DNAAF5: variants seen among roughly 807,000 people sequenced by gnomAD.
The protein encoded by DNAAF5 is HEAT repeat containing 2.
In DNAAF5, 64 loss-of-function variants were observed where a neutral mutation model predicts 75.8. That is an observed-to-expected ratio of 0.84 (90% confidence interval 0.69 to 1.04). The LOEUF (loss-of-function observed/expected upper bound fraction) is 1.04. Among genes scored for constraint, DNAAF5 ranks in the 50% least tolerant of loss-of-function variants. The pLI is 0.00. For missense variants in DNAAF5, 1,269 were observed against 1,178.5 expected (o/e 1.08, Z -1.12); for synonymous variants, 657 against 557.2 (o/e 1.18, Z -2.52).
chr7:746,371 A>G (rs112583897), intron 4 of DNAAF5, among the ~76,000 whole-genome samples: 6 of 18,674 alleles, frequency 3.2e-4, no homozygotes, highest in Admixed American at 7.9e-4. Context: ...GCTGCCCCCC[A>G]CCCAACATGC....
intron 12 of DNAAF5, 103 bp from the exon 13 acceptor site, chr7:785,402 ATTTGCAGATGCT>A: frequency 8.7e-7 from 1 of 1,144,076 alleles, no homozygotes; most frequent in South Asian, 1.4e-5. Flanking sequence ...GCGTCAGGTT[ATTTGCAGATGCT>A]TTTACAGATG....
chr7:781,273 G>A (rs921409937), intron 12 of DNAAF5, among the ~76,000 whole-genome samples: 1 of 152,126 alleles, frequency 6.6e-6, no homozygotes, highest in Non-Finnish European at 1.5e-5. Context: ...GAGAATGTGC[G>A]GAATTTGCCC....
chr7:772,375 T>C (rs571366357), intron 9 of DNAAF5: 67 of 152,388 alleles, frequency 4.4e-4, no homozygotes, highest in African/African-American at 1.6e-3. Context: ...TGCTCAGATA[T>C]GGTCAGACCC....
At chr7:743,158 G>A (rs567387644) in intron 4 of DNAAF5, among the ~76,000 whole-genome samples, 2 of 152,300 alleles carry the variant, frequency 1.3e-5, no homozygotes, top group East Asian at 1.9e-4. Flanking sequence ...GAGCCCAGGA[G>A]TTGGAGACCA....
At chr7:767,425 A>G (rs1778345726) in intron 8 of DNAAF5, among the ~76,000 whole-genome samples, 2 of 152,216 alleles carry the variant, frequency 1.3e-5, no homozygotes, top group South Asian at 2.1e-4. Flanking sequence ...ATGAGAATCT[A>G]TCCTTCCAAT....
intron 4 of DNAAF5, among the ~76,000 whole-genome samples, chr7:746,141 CAGA>C (rs1782095298): frequency 6.6e-6 from 1 of 152,176 alleles, no homozygotes; most frequent in Non-Finnish European, 1.5e-5. Flanking sequence ...AATGTCAGAT[CAGA>C]AGATTTTTTG....
chr7:735,957 T>C (rs1205036430), intron 2 of DNAAF5, among the ~76,000 whole-genome samples: 1 of 152,236 alleles, frequency 6.6e-6, no homozygotes, highest in Non-Finnish European at 1.5e-5. Context: ...TTTTGCATAT[T>C]GTGTTTCCAT....
At chr7:784,247 C>T (rs1299791202) in intron 12 of DNAAF5, among the ~76,000 whole-genome samples, 2 of 152,202 alleles carry the variant, frequency 1.3e-5, no homozygotes, top group African/African-American at 4.8e-5. Context: ...ATGTGGGCCC[C>T]TCACTGCTCC....
Position 729,844 on chromosome 7 carries a change from G to A in DNAAF5, c.777G>A (p.Pro259=), listed in dbSNP as rs146014916. Residue 259 remains proline (P), a synonymous_variant, in exon 2 of 13, where the codon CCG becomes CCA. Transcript: ENST00000297440. ...CTCAGCGACTGTTTGATGACGTCCC[G>A]CAGGTAACTGGTGTTTCTCCTGGAC... ...HFAQRLFDDV[P]QVRRAVASVV... 51 of 1,613,928 alleles carry A rather than the reference G, an allele frequency of 3.2e-5. No individual in the cohort carries two copies. The highest frequency in any genetic ancestry group is 1.3e-4 in the South Asian group (12 of 91,076).
chr7:726,945 C>T lies in DNAAF5; in HGVS notation c.225C>T (p.Arg75=). ...DPTAFQGPWA[R]LLLPRLLRCL... ...CCGCTTTCCAGGGCCCCTGGGCGCG[C>T]CTACTGCTGCCGCGCTTGCTGCGCT... Residue 75 remains arginine (R), a synonymous_variant, in exon 1 of 13, where the codon CGC becomes CGT. Transcript: ENST00000297440. 2 of 1,335,470 alleles carry T rather than the reference C, an allele frequency of 1.5e-6. No individual in the cohort carries two copies. The highest frequency in any genetic ancestry group is 1.5e-5 in the African/African-American group (1 of 64,934). 82.7% of individuals were successfully genotyped at this position (1,335,470 alleles called of 1,614,324 possible).
chr7:779,022 A>G (rs1359534372), intron 11 of DNAAF5, among the ~76,000 whole-genome samples: 1 of 152,270 alleles, frequency 6.6e-6, no homozygotes, highest in Non-Finnish European at 1.5e-5. Context: ...CAGAACCCTC[A>G]GGGAAGTGCC....
rs114376033 is a variant in DNAAF5, at chr7:757,057, A to G, written c.1470+63A>G. ...AGCCTCCCCTGCCCGGCCGTCAGCC[A>G]TCGTAATGACATGTCTGTGGGTTGC... On this transcript the variant is annotated intron_variant, in intron 6 of 12. Transcript: ENST00000297440. 17,256 of 1,477,714 alleles carry G rather than the reference A, an allele frequency of 0.012. 158 individuals carry two copies. The highest frequency in any genetic ancestry group is 0.017 in the South Asian group (1,455 of 83,330). 91.5% of individuals were successfully genotyped at this position (1,477,714 alleles called of 1,614,324 possible). A position where few individuals can be genotyped will look rare whatever the true frequency, so the allele number is the denominator to read the frequency against.
rs191355106 is a variant in DNAAF5 at position 762,172 on chromosome 7, C to T, written c.1614+276C>T. Among the ~76,000 whole-genome samples, 240 of 152,284 alleles carry T rather than the reference C, an allele frequency of 1.6e-3. 2 individuals carry two copies. The highest frequency in any genetic ancestry group is 2.4e-3 in the Non-Finnish European group (166 of 68,030). On this transcript the variant is annotated intron_variant, in intron 7 of 12. Transcript: ENST00000297440. ...AAATAAGACGTAACCTTTAAACCTG[C>T]GCACTTGAGTAGGGTTTAATAGTGC...
chr7:746,217 C>G (rs1411729986), intron 4 of DNAAF5, among the ~76,000 whole-genome samples: 1 of 152,094 alleles, frequency 6.6e-6, no homozygotes, highest in African/African-American at 2.4e-5. Flanking sequence ...CCCTGCCGTC[C>G]TGCCACCCCC....
At chr7:774,548 C>G (rs1467198534) in intron 10 of DNAAF5, among the ~76,000 whole-genome samples, 1 of 111,958 alleles carries the variant, frequency 8.9e-6, no homozygotes, top group Non-Finnish European at 2.0e-5. Context: ...GAGGACGGGC[C>G]TGGGCTTTCC....
chr7:732,992 G>T lies in DNAAF5; in HGVS notation c.780+3145G>T, dbSNP rs74688514. ...GATAGGGGTCCAGTTTCATTTTTCTGCATATGGAGTTCCAGTTTTCCCAGC... is the reference window on the plus strand; with the variant it reads ...GATAGGGGTCCAGTTTCATTTTTCTTCATATGGAGTTCCAGTTTTCCCAGC... On this transcript the variant is annotated intron_variant, in intron 2 of 12. Coordinates refer to ENST00000297440, the MANE Select transcript of DNAAF5 (RefSeq NM_017802.4). 5.1e-3 allele frequency among the ~76,000 whole-genome samples: 773 copies of T among 152,254 alleles called. 8 individuals carry two copies. Among genetic ancestry groups the T allele is most frequent in the African/African-American group, 0.017 (725 of 41,540 alleles).
At chr7:784,779 G>T (rs1445395624) in intron 12 of DNAAF5, among the ~76,000 whole-genome samples, 1 of 152,188 alleles carries the variant, frequency 6.6e-6, no homozygotes, top group East Asian at 1.9e-4. Flanking sequence ...GTTTTTCTGA[G>T]CCTATTTGCT....
At chr7:767,945 C>T (rs1273122636) in intron 8 of DNAAF5, among the ~76,000 whole-genome samples, 3 of 138,922 alleles carry the variant, frequency 2.2e-5, no homozygotes, top group South Asian at 2.4e-4. Context: ...CACGTGGCTC[C>T]GGGCAGAAGT....
At chr7:762,648 C>G (rs944562604) in intron 7 of DNAAF5, among the ~76,000 whole-genome samples, 4 of 151,910 alleles carry the variant, frequency 2.6e-5, no homozygotes, top group Non-Finnish European at 5.9e-5. Flanking sequence ...GAGTCTCGCT[C>G]TGTCACCCAG....
Sources: allele counts gnomAD v4.1 joint callset (sites outside exome capture counted in the v4.1 genomes callset), GRCh38; gene constraint gnomAD v4.1.1; transcripts MANE v1.5; gene names NCBI Gene and HGNC (gene_info 2026-07-23, HGNC 2026-07-21).